The following RFPL1 variants were observed in gnomAD, a reference collection of about 807,000 sequenced individuals.
RFPL1 encodes ret finger protein like 1.
In RFPL1, 6 loss-of-function variants were observed where a neutral mutation model predicts 9.6. The ratio of observed to expected loss-of-function variants is 0.62; its 90% CI spans 0.34 to 1.23. The LOEUF (loss-of-function observed/expected upper bound fraction) is 1.23, where lower values mean the gene tolerates loss of function less well. Ranked by LOEUF, RFPL1 falls within the 50% of genes most tolerant of loss-of-function variation. The pLI is 0.03. For synonymous variants in RFPL1, 145 were observed against 149.4 expected (o/e 0.97, Z 0.22); for missense variants, 352 against 398.4 (o/e 0.88, Z 0.99).
the RFPL1 span, among the ~76,000 whole-genome samples, chr22:29,404,251 TG>T: frequency 6.6e-6 from 1 of 152,092 alleles, no homozygotes; most frequent in Non-Finnish European, 1.5e-5. Flanking sequence ...GATGCTGACC[TG>T]TGACTGTTTT....
exon 2 of RFPL1, chr22:29,441,982 A>G (rs757644283): frequency 1.4e-5 from 23 of 1,613,974 alleles, no homozygotes; most frequent in African/African-American, 2.7e-5. Flanking sequence ...TACATTCAGG[A>G]GTGTCTCTGC....
chr22:29,390,560 T>C, the RFPL1 span, among the ~76,000 whole-genome samples: 1 of 151,070 alleles, frequency 6.6e-6, no homozygotes, highest in Non-Finnish European at 1.5e-5. Context: ...TACCGTTATC[T>C]AAATTACAAA....
the RFPL1 span, among the ~76,000 whole-genome samples, chr22:29,429,741 G>A: frequency 2.0e-5 from 3 of 152,212 alleles, no homozygotes; most frequent in South Asian, 2.1e-4. Flanking sequence ...CCTAAAGACC[G>A]CACCAAAAAA....
At chr22:29,405,173 G>A in the RFPL1 span, among the ~76,000 whole-genome samples, 1 of 152,196 alleles carries the variant, frequency 6.6e-6, no homozygotes. Flanking sequence ...GTTTAGGCAA[G>A]TCTGAGAACT....
At chr22:29,389,130 C>G in the RFPL1 span, among the ~76,000 whole-genome samples, 2 of 152,244 alleles carry the variant, frequency 1.3e-5, no homozygotes, top group East Asian at 3.9e-4. Context: ...CCCGAGAGAT[C>G]CTCCCGCCTC....
chr22:29,441,775 C>A (rs759024645), exon 2 of RFPL1: 1 of 1,613,762 alleles, frequency 6.2e-7, no homozygotes, highest in African/African-American at 1.3e-5. Flanking sequence ...ATCTGTTCAC[C>A]GCAAAGGGAG....
chr22:29,417,197 C>T, the RFPL1 span, among the ~76,000 whole-genome samples: 1 of 151,998 alleles, frequency 6.6e-6, no homozygotes, highest in South Asian at 2.1e-4. Flanking sequence ...ATCATATCAG[C>T]AAAGCCAGCT....
At chr22:29,411,764 G>C in the RFPL1 span, among the ~76,000 whole-genome samples, 1 of 152,240 alleles carries the variant, frequency 6.6e-6, no homozygotes, top group African/African-American at 2.4e-5. Flanking sequence ...CCCAGTCTGA[G>C]TGGTAGAAAT....
At chr22:29,431,590 A>G in the RFPL1 span, among the ~76,000 whole-genome samples, 1 of 152,196 alleles carries the variant, frequency 6.6e-6, no homozygotes, top group Non-Finnish European at 1.5e-5. Context: ...AATGTAATCC[A>G]CATATGCAAT....
At chr22:29,434,750 C>T, upstream of RFPL1, 1 of 153,624 alleles carries the variant, frequency 6.5e-6, no homozygotes. Context: ...CAGCACTGTG[C>T]CTTTAACCAC....
upstream of RFPL1, chr22:29,438,224 C>T (rs1415454352): frequency 1.5e-5 from 2 of 137,070 alleles, no homozygotes; most frequent in African/African-American, 5.7e-5. Context: ...ACTCTGTTGT[C>T]CAGGCCGGAG....
chr22:29,442,000 C>A, exon 2 of RFPL1: 9 of 1,614,066 alleles, frequency 5.6e-6, no homozygotes, highest in Non-Finnish European at 7.6e-6. Context: ...TGCTGAGGAG[C>A]CACTGCACTT....
the RFPL1 span, chr22:29,419,148 T>A: frequency 1.3e-5 from 21 of 1,609,718 alleles, no homozygotes; most frequent in South Asian, 2.3e-4. Context: ...GGCCTACTCC[T>A]ACACACCTGA....
the RFPL1 span, among the ~76,000 whole-genome samples, chr22:29,410,596 G>GATATATATAGATATATCTATCTAT: frequency 3.2e-5 from 4 of 123,498 alleles, no homozygotes; most frequent in Middle Eastern, 4.5e-3. Flanking sequence ...TCTATATATA[G>GATATATATAGATATATCTATCTAT]ATATATATAG....
the RFPL1 span, among the ~76,000 whole-genome samples, chr22:29,401,687 C>G: frequency 2.6e-5 from 4 of 152,210 alleles, no homozygotes; most frequent in East Asian, 7.7e-4. Context: ...CATAGAGTAT[C>G]TTAATCAGCC....
the RFPL1 span, among the ~76,000 whole-genome samples, chr22:29,429,658 T>G: frequency 6.6e-6 from 1 of 152,312 alleles, no homozygotes; most frequent in Middle Eastern, 3.4e-3. Context: ...ATAATAAGAT[T>G]GAAGGCTCTC....
the RFPL1 span, among the ~76,000 whole-genome samples, chr22:29,426,746 CAA>C: frequency 6.9e-6 from 1 of 144,950 alleles, no homozygotes; most frequent in Non-Finnish European, 1.5e-5. Context: ...GACTCTGTAT[CAA>C]AAAAAAAAAA....
At chr22:29,422,066 C>T in the RFPL1 span, among the ~76,000 whole-genome samples, 1 of 152,152 alleles carries the variant, frequency 6.6e-6, no homozygotes, top group Non-Finnish European at 1.5e-5. Context: ...GAAGGGCTGG[C>T]CAGAAAGATG....
Position 29,438,943 on chromosome 22 carries a change from T to G in RFPL1, c.152T>G (p.Met51Arg). ...TGCTCAGACTATCTAGAGAAACCAA[T>G]GTCCCTGGAGTGTGGATGCGCTGTC... is the stretch of plus-strand genomic sequence containing the variant. Residue 51 changes from methionine to arginine, a missense_variant, in exon 1 of 2, where the codon ATG (methionine) becomes AGG (arginine). Physicochemically the swap from Met to Arg is moderately conservative, Grantham distance 91. Transcript: ENST00000354373. 6.2e-7 allele frequency: 1 copy of G among 1,613,964 alleles called. No individual in the cohort carries two copies. Among genetic ancestry groups the G allele is most frequent in the Middle Eastern group, 1.7e-4 (1 of 6,056 alleles).
Sources: gnomAD v4.1 joint callset for allele counts (sites outside exome capture counted in the v4.1 genomes callset) on GRCh38, gnomAD v4.1.1 for gene constraint, MANE v1.5 for transcripts, NCBI Gene and HGNC (gene_info 2026-07-23, HGNC 2026-07-21) for gene names.